PCDHA3: variants seen among roughly 807,000 people sequenced by gnomAD.
PCDHA3 encodes protocadherin alpha-3.
Under a neutral mutation model 62.2 loss-of-function variants are expected in PCDHA3, and 41 were observed. The observed-to-expected ratio is 0.66, with a 90% CI of 0.51 to 0.86. The LOEUF is 0.86. PCDHA3 is among the 40% of genes least tolerant of loss of function. The pLI is 0.00. For missense variants in PCDHA3, 1,304 were observed against 1,241.2 expected, an observed-to-expected ratio of 1.05 and a Z score of -0.76; for synonymous variants, 640 against 555.4, an observed-to-expected ratio of 1.15 and a Z score of -2.14.
chr5:140,929,528 T>C, intron 1 of PCDHA3: 1 of 693,446 alleles, frequency 1.4e-6, no homozygotes, highest in African/African-American at 1.9e-5. Context: ...TAGTTTATTT[T>C]TGAGAAACAA....
At chr5:140,824,449 A>G in intron 1 of PCDHA3, 1 of 452,608 alleles carries the variant, frequency 2.2e-6, no homozygotes, top group South Asian at 3.3e-5. Flanking sequence ...TTATGACTAC[A>G]TGAAAATTTA....
Position 140,842,156 on chromosome 5 carries a change from T to G in PCDHA3, c.2394+38565T>G, listed in dbSNP as rs2150330678. 3.3e-5 allele frequency: 54 copies of G among 1,613,784 alleles called. 1 individual carries two copies. The South Asian group carries it at 5.9e-4, about 18-fold the overall frequency. ...TGAAGGAGCCAATGGGGCAATTTCA[T>G]ATTCTTTTAATAGCCTTGTTGAAAC... On this transcript the variant is annotated intron_variant, in intron 1 of 3. Coordinates refer to ENST00000522353, the MANE Select transcript of PCDHA3 (RefSeq NM_018906.3).
intron 1 of PCDHA3, chr5:140,884,429 C>G: frequency 6.2e-7 from 1 of 1,613,964 alleles, no homozygotes. Flanking sequence ...GTATACTGCG[C>G]TGCGGTGCTC....
intron 3 of PCDHA3, among the ~76,000 whole-genome samples, chr5:141,001,096 A>T (rs919555319): frequency 1.3e-5 from 2 of 152,130 alleles, no homozygotes; most frequent in Admixed American, 1.3e-4. Flanking sequence ...AAACTGTCTA[A>T]TCCATAATAA....
chr5:140,831,877 C>T (rs2150197891), intron 1 of PCDHA3, among the ~76,000 whole-genome samples: 14 of 152,186 alleles, frequency 9.2e-5, no homozygotes, highest in Non-Finnish European at 1.9e-4. Context: ...TATTGTAAGG[C>T]GCTTATAACT....
chr5:140,829,163 C>G, intron 1 of PCDHA3: 24 of 1,614,024 alleles, frequency 1.5e-5, no homozygotes, highest in Non-Finnish European at 2.0e-5. Flanking sequence ...CTTATCCTTG[C>G]CTGTACGTGA....
intron 1 of PCDHA3, 142 bp from the exon 2 acceptor site, chr5:140,978,807 A>T (rs1489269679): frequency 6.7e-7 from 1 of 1,494,726 alleles, no homozygotes; most frequent in Non-Finnish European, 8.9e-7. Context: ...AGATATCATC[A>T]TAGAGTTACA....
chr5:140,875,378 T>G, intron 1 of PCDHA3: 1 of 1,458,602 alleles, frequency 6.9e-7, no homozygotes, highest in Non-Finnish European at 9.0e-7. Context: ...TTACTAAATA[T>G]GTACTTACAG....
intron 1 of PCDHA3, among the ~76,000 whole-genome samples, chr5:140,940,131 G>A (rs1443086111): frequency 7.2e-5 from 11 of 152,092 alleles, no homozygotes; most frequent in African/African-American, 2.4e-4. Context: ...ATTTCTGCTA[G>A]TGATAAACTA....
intron 1 of PCDHA3, among the ~76,000 whole-genome samples, chr5:140,908,155 G>T (rs559304647): frequency 2.0e-5 from 3 of 152,194 alleles, no homozygotes; most frequent in African/African-American, 4.8e-5. Flanking sequence ...TCCTAGGAAG[G>T]GGCTGTAGTG....
intron 1 of PCDHA3, chr5:140,929,903 C>T (rs11747154): frequency 0.12 from 17,815 of 152,352 alleles, 1,161 homozygotes; most frequent in Middle Eastern, 0.19. Context: ...ATCTTTAATA[C>T]GATATACCAT....
In PCDHA3 at chr5:140,842,604, G is replaced by A. The variant is rs1254196927; in HGVS notation, c.2394+39013G>A. 5 of 1,550,084 alleles carry A rather than the reference G, an allele frequency of 3.2e-6. No homozygotes were observed. The highest frequency in any genetic ancestry group is 1.1e-5 in the South Asian group (1 of 89,394). The stretch of plus-strand genomic sequence containing the variant: ...GCCTATGAGTTGGTGGTAACCGCGC[G>A]GGACGGGGGCTCGCCTTCGCTGTGG... On this transcript the variant is annotated intron_variant, in intron 1 of 3. Coordinates refer to ENST00000522353, the MANE Select transcript of PCDHA3 (RefSeq NM_018906.3).
At position 140,926,615 on chromosome 5, in the gene PCDHA3, C is replaced by G. The variant is rs540135252; in HGVS notation, c.2395-52334C>G. On this transcript the variant is annotated intron_variant, in intron 1 of 3. Coordinates refer to ENST00000522353, the MANE Select transcript of PCDHA3 (RefSeq NM_018906.3). ...GGCGGGCGGCCTCGTCTCTGCACCC[C>G]TAGGCGGCGCTGCGCTCCTCAACAC... 1,855 of 379,286 alleles carry G rather than the reference C, an allele frequency of 4.9e-3. 8 individuals are homozygous for G. Among genetic ancestry groups the G allele is most frequent in the African/African-American group, 0.019 (896 of 47,466 alleles). The allele number at this position is 379,286 out of a possible 1,614,324, so 23.5% of individuals were successfully genotyped here. A position where few individuals can be genotyped will look rare whatever the true frequency, so the allele number is the denominator to read the frequency against.
At chr5:140,834,455 G>A (rs1554134225) in intron 1 of PCDHA3, 5 of 1,614,018 alleles carry the variant, frequency 3.1e-6, no homozygotes, top group Non-Finnish European at 4.2e-6. Context: ...TAGCAGCTTG[G>A]GAGGCAGGGA....
intron 1 of PCDHA3, chr5:140,805,026 A>G (rs782742192): frequency 1.9e-6 from 3 of 1,579,022 alleles, no homozygotes; most frequent in Non-Finnish European, 2.6e-6. Flanking sequence ...CTTCTTGAAT[A>G]TAATAGAGTC....
chr5:140,845,775 A>G (rs1469360011), intron 1 of PCDHA3, among the ~76,000 whole-genome samples: 1 of 149,718 alleles, frequency 6.7e-6, no homozygotes, highest in Non-Finnish European at 1.5e-5. Context: ...ATAGTTATAA[A>G]TTATTAATAA....
intron 1 of PCDHA3, chr5:140,815,642 T>A (rs1349424148): frequency 6.6e-6 from 1 of 152,128 alleles, no homozygotes; most frequent in Non-Finnish European, 1.5e-5. Context: ...AGTATTCTGT[T>A]TTTATCTATA....
At chr5:140,830,170 G>C in intron 1 of PCDHA3, 1 of 1,613,606 alleles carries the variant, frequency 6.2e-7, no homozygotes, top group Non-Finnish European at 8.5e-7. Flanking sequence ...AGGCGGCGCT[G>C]GTGGATGTCA....
rs1387090858 is a variant in PCDHA3, at chr5:140,923,184, T to C, written c.2395-55765T>C. Reference sequence around the variant, plus strand: ...AGATAAATTTTTGTTCAGATGCATCTACTGCAGCAATTTGGGAGGCTAAGG... The same window carrying C: ...AGATAAATTTTTGTTCAGATGCATCCACTGCAGCAATTTGGGAGGCTAAGG... On this transcript the variant is annotated intron_variant, in intron 1 of 3. Transcript: ENST00000522353. Among the ~76,000 whole-genome samples the C allele has an allele frequency of 3.9e-5, 6 of 152,146 alleles. No homozygotes were observed. In the East Asian group the frequency reaches 1.2e-3, roughly 29 times the overall value.
Sources: allele counts gnomAD v4.1 joint callset (sites outside exome capture counted in the v4.1 genomes callset), GRCh38; gene constraint gnomAD v4.1.1; transcripts MANE v1.5; gene names NCBI Gene and HGNC (gene_info 2026-07-23, HGNC 2026-07-21).